DISC1: variants seen among roughly 807,000 people sequenced by gnomAD.
The protein encoded by DISC1 is disrupted in schizophrenia 1 protein.
Under a neutral mutation model 84.5 loss-of-function variants are expected in DISC1, and 57 were observed. That is an observed-to-expected ratio of 0.67 (90% CI 0.55 to 0.84). DISC1 has a LOEUF of 0.84. DISC1 is among the 40% of genes least tolerant of loss of function. The probability of loss-of-function intolerance (pLI) is 0.00; values close to 1 mark genes in which losing one functional copy is unlikely to be tolerated. For missense variants in DISC1, 1,000 were observed against 1,057.8 expected, an observed-to-expected ratio of 0.95 and a Z score of 0.76; for synonymous variants, 411 against 415.2, an observed-to-expected ratio of 0.99 and a Z score of 0.12.
intron 10 of DISC1, among the ~76,000 whole-genome samples, chr1:231,967,340 G>A (rs1661263154): frequency 6.6e-6 from 1 of 152,182 alleles, no homozygotes; most frequent in Admixed American, 6.5e-5. Context: ...CAAAACAGGT[G>A]CACACAAAAC....
chr1:231,966,803 A>G (rs1661178390), intron 10 of DISC1, among the ~76,000 whole-genome samples: 1 of 152,178 alleles, frequency 6.6e-6, no homozygotes. Context: ...TCGAGCACTT[A>G]GTGGATTATA....
chr1:231,784,249 C>T (rs866632126), intron 6 of DISC1, among the ~76,000 whole-genome samples: 183 of 143,440 alleles, frequency 1.3e-3, no homozygotes, highest in African/African-American at 4.5e-3. Flanking sequence ...GGTGACAGAG[C>T]GAGACTCCGT....
At chr1:232,017,556 A>G (rs1012820350) in intron 11 of DISC1, among the ~76,000 whole-genome samples, 5 of 149,430 alleles carry the variant, frequency 3.3e-5, no homozygotes, top group Non-Finnish European at 7.4e-5. Flanking sequence ...GGATAGGCAA[A>G]TGTACTTTTG....
chr1:231,902,170 C>T (rs1009766358), intron 9 of DISC1, among the ~76,000 whole-genome samples: 2 of 152,050 alleles, frequency 1.3e-5, no homozygotes, highest in Admixed American at 6.6e-5. Context: ...ACAGATGCAA[C>T]GTATGGGCAC....
At chr1:231,837,737 GT>G (rs1161301209) in intron 9 of DISC1, among the ~76,000 whole-genome samples, 2 of 152,178 alleles carry the variant, frequency 1.3e-5, no homozygotes, top group Non-Finnish European at 2.9e-5. Flanking sequence ...CACAAGTAAT[GT>G]TTTCTTATGG....
intron 3 of DISC1, among the ~76,000 whole-genome samples, chr1:231,716,207 C>A (rs1237446922): frequency 6.6e-6 from 1 of 151,782 alleles, no homozygotes; most frequent in Non-Finnish European, 1.5e-5. Context: ...AATCTCCCTG[C>A]CAGCAGTTAG....
intron 9 of DISC1, among the ~76,000 whole-genome samples, chr1:231,849,192 C>G (rs894532667): frequency 6.6e-6 from 1 of 150,526 alleles, no homozygotes; most frequent in African/African-American, 2.5e-5. Flanking sequence ...CTGATCTCGG[C>G]TCACTGCAAC....
intron 1 of DISC1, among the ~76,000 whole-genome samples, chr1:231,650,318 A>T (rs905913822): frequency 3.3e-5 from 5 of 152,158 alleles, no homozygotes; most frequent in Admixed American, 3.3e-4. Context: ...TCCTTCACTT[A>T]TGAAGCTTAG....
At chr1:231,824,504 C>A (rs1412831927) in intron 9 of DISC1, among the ~76,000 whole-genome samples, 1 of 152,062 alleles carries the variant, frequency 6.6e-6, no homozygotes, top group East Asian at 1.9e-4. Context: ...TTTTTAATTT[C>A]TCTCCATTTT....
chr1:231,727,344 A>G (rs1192931440), intron 3 of DISC1, among the ~76,000 whole-genome samples: 1 of 152,134 alleles, frequency 6.6e-6, no homozygotes, highest in East Asian at 1.9e-4. Flanking sequence ...AGAGGGCTTA[A>G]TGACTTCCAG....
At chr1:231,801,209 C>T (rs372776635) in intron 8 of DISC1, among the ~76,000 whole-genome samples, 1 of 151,952 alleles carries the variant, frequency 6.6e-6, no homozygotes, top group South Asian at 2.1e-4. Flanking sequence ...CATGGCAGCG[C>T]AAATGTGGGG....
At position 232,010,168 on chromosome 1, in the gene DISC1, C is replaced by T. The variant is rs753311257; in HGVS notation, c.2307+1119C>T. 5.3e-4 allele frequency among the ~76,000 whole-genome samples: 81 copies of T among 152,296 alleles called. 1 individual carries two copies. Among genetic ancestry groups the T allele is most frequent in the South Asian group, 6.2e-4 (3 of 4,824 alleles). On this transcript the variant is annotated intron_variant, in intron 11 of 12. Transcript: ENST00000439617. Reference sequence around the variant, plus strand: ...CTTGCTGGCCCAGTCACAGGCTCTACGTTAATTTATAGACATCTGAACTCG... The same window carrying T: ...CTTGCTGGCCCAGTCACAGGCTCTATGTTAATTTATAGACATCTGAACTCG...
At chr1:231,797,638 C>G (rs536488869) in intron 7 of DISC1, among the ~76,000 whole-genome samples, 1 of 152,134 alleles carries the variant, frequency 6.6e-6, no homozygotes, top group Non-Finnish European at 1.5e-5. Flanking sequence ...AAAGGCCCCA[C>G]CTCCTAATGC....
chr1:231,957,425 A>G (rs921824701), intron 9 of DISC1, among the ~76,000 whole-genome samples: 4 of 151,964 alleles, frequency 2.6e-5, no homozygotes, highest in Non-Finnish European at 5.9e-5. Flanking sequence ...TGTTTTATGG[A>G]ATTTTTATGT....
intron 9 of DISC1, among the ~76,000 whole-genome samples, chr1:231,870,319 G>T (rs2085365828): frequency 6.6e-6 from 1 of 152,158 alleles, no homozygotes; most frequent in Non-Finnish European, 1.5e-5. Context: ...AAACAGTGAT[G>T]GACCACTACA....
intron 3 of DISC1, among the ~76,000 whole-genome samples, chr1:231,737,562 A>G (rs765235615): frequency 9.2e-5 from 14 of 152,214 alleles, no homozygotes; most frequent in Non-Finnish European, 1.5e-4. Context: ...TGGGCCAAAC[A>G]GTGAAAGGAG....
At chr1:231,799,518 G>A (rs1035122047) in intron 7 of DISC1, among the ~76,000 whole-genome samples, 4 of 151,934 alleles carry the variant, frequency 2.6e-5, no homozygotes, top group Non-Finnish European at 5.9e-5. Context: ...AACATCAAGC[G>A]GAGGGAGGGC....
At chr1:231,832,533 A>G (rs1364469465) in intron 9 of DISC1, among the ~76,000 whole-genome samples, 1 of 151,890 alleles carries the variant, frequency 6.6e-6, no homozygotes, top group Non-Finnish European at 1.5e-5. Context: ...TGAGGATGAA[A>G]TTTGGACTTG....
At chr1:231,683,111 A>G (rs2063851152) in intron 1 of DISC1, among the ~76,000 whole-genome samples, 1 of 152,228 alleles carries the variant, frequency 6.6e-6, no homozygotes, top group Non-Finnish European at 1.5e-5. Context: ...TATAGACCAT[A>G]CTTTTTCTAC....
Sources: allele counts gnomAD v4.1 joint callset (sites outside exome capture counted in the v4.1 genomes callset), GRCh38; gene constraint gnomAD v4.1.1; transcripts MANE v1.5; gene names NCBI Gene and HGNC (gene_info 2026-07-23, HGNC 2026-07-21).